PRKCB: variants seen among roughly 807,000 people sequenced by gnomAD.
PRKCB encodes protein kinase C beta, also known as protein kinase C beta type.
PRKCB carries 13 observed loss-of-function variants against 81.5 expected under a neutral mutation model. The observed-to-expected ratio is 0.16, with a 90% CI of 0.10 to 0.25. PRKCB has a LOEUF of 0.25. Ranked by LOEUF, PRKCB falls within the 10% of genes least tolerant of loss-of-function variation. PRKCB has a pLI of 1.00. For synonymous variants in PRKCB, 335 were observed against 321.4 expected (o/e 1.04, Z -0.45); for missense variants, 509 against 875.7 (o/e 0.58, Z 5.29).
At chr16:23,958,556 G>T (rs917140632) in intron 2 of PRKCB, among the ~76,000 whole-genome samples, 1 of 151,866 alleles carries the variant, frequency 6.6e-6, no homozygotes, top group Non-Finnish European at 1.5e-5. Context: ...ACCCACCTCG[G>T]CCTCCCAATG....
At chr16:23,931,570 G>T (rs947225714) in intron 2 of PRKCB, among the ~76,000 whole-genome samples, 1 of 152,188 alleles carries the variant, frequency 6.6e-6, no homozygotes. Flanking sequence ...CTGAGGCTGA[G>T]TGGGGAGGAG....
intron 12 of PRKCB, among the ~76,000 whole-genome samples, chr16:24,179,607 C>A (rs578010112): frequency 6.6e-6 from 1 of 152,174 alleles, no homozygotes; most frequent in Non-Finnish European, 1.5e-5. Flanking sequence ...AGACCTACAA[C>A]TGTTCCCCAA....
intron 7 of PRKCB, among the ~76,000 whole-genome samples, chr16:24,096,623 G>C: frequency 7.4e-6 from 1 of 134,246 alleles, no homozygotes; most frequent in Admixed American, 8.0e-5. Context: ...CCTTTGTCCT[G>C]AAGATTTTAT....
chr16:24,103,719 C>T (rs535019592), intron 7 of PRKCB, among the ~76,000 whole-genome samples: 1 of 152,314 alleles, frequency 6.6e-6, no homozygotes, highest in South Asian at 2.1e-4. Flanking sequence ...TCCCCTCTCC[C>T]CTCTACAGTT....
intron 9 of PRKCB, among the ~76,000 whole-genome samples, chr16:24,125,695 C>T (rs537610801): frequency 6.6e-6 from 1 of 152,260 alleles, no homozygotes; most frequent in African/African-American, 2.4e-5. Flanking sequence ...CCGTCGTGGT[C>T]GCCACTGTGA....
intron 2 of PRKCB, among the ~76,000 whole-genome samples, chr16:23,856,840 T>C (rs1405538238): frequency 1.3e-5 from 2 of 152,182 alleles, no homozygotes; most frequent in East Asian, 3.9e-4. Flanking sequence ...CAATTTTTAT[T>C]TGATATAAAC....
intron 3 of PRKCB, among the ~76,000 whole-genome samples, chr16:24,025,122 G>A (rs529088764): frequency 3.3e-5 from 5 of 152,322 alleles, no homozygotes; most frequent in Admixed American, 1.3e-4. Flanking sequence ...GCAACTTGCC[G>A]ATTGGTTTTC....
intron 3 of PRKCB, among the ~76,000 whole-genome samples, chr16:24,029,595 GACTAA>G (rs1965525250): frequency 1.8e-5 from 1 of 54,780 alleles, no homozygotes; most frequent in East Asian, 6.8e-4. Context: ...TATGAAAGCA[GACTAA>G]TACAGTATGG....
intron 5 of PRKCB, among the ~76,000 whole-genome samples, chr16:24,087,018 A>T (rs1966317975): frequency 1.3e-5 from 2 of 152,198 alleles, no homozygotes. Context: ...CATTTGGTTT[A>T]GCATTTTCTC....
chr16:23,948,945 A>G (rs1307342794), intron 2 of PRKCB, among the ~76,000 whole-genome samples: 2 of 136,878 alleles, frequency 1.5e-5, no homozygotes, highest in Non-Finnish European at 3.2e-5. Context: ...TGTCAGTAGT[A>G]CAGGGTTTCA....
At chr16:23,939,230 T>C (rs1432162943) in intron 2 of PRKCB, among the ~76,000 whole-genome samples, 1 of 152,098 alleles carries the variant, frequency 6.6e-6, no homozygotes. Flanking sequence ...ATGAAAGAAA[T>C]AAAGAATATC....
At chr16:23,836,576 C>G (rs111234195) in intron 1 of PRKCB, among the ~76,000 whole-genome samples, 32 of 152,224 alleles carry the variant, frequency 2.1e-4, no homozygotes, top group Non-Finnish European at 3.8e-4. Context: ...GCCTCCTGCC[C>G]TCTCCTGCTC....
chr16:23,999,252 A>G (rs1223244947), intron 3 of PRKCB, among the ~76,000 whole-genome samples: 1 of 152,150 alleles, frequency 6.6e-6, no homozygotes, highest in East Asian at 1.9e-4. Flanking sequence ...CAAGTTCGTG[A>G]AGCAGAAACA....
chr16:23,904,572 A>G (rs1963527916), intron 2 of PRKCB, among the ~76,000 whole-genome samples: 1 of 152,188 alleles, frequency 6.6e-6, no homozygotes, highest in Non-Finnish European at 1.5e-5. Flanking sequence ...CTGAGGCAGA[A>G]GAATCGCTTG....
Position 24,160,003 on chromosome 16 carries a change from A to G in PRKCB, c.1239+5146A>G, listed in dbSNP as rs73550953. ...TTGTCTCAAAAAATAAAATAAAATAAAATAAAATATAAAATATTTTCACTC... is the reference window on the plus strand; with the variant it reads ...TTGTCTCAAAAAATAAAATAAAATAGAATAAAATATAAAATATTTTCACTC... On this transcript the variant is annotated intron_variant, in intron 10 of 16. Coordinates refer to ENST00000643927, the MANE Select transcript of PRKCB (RefSeq NM_002738.7). Among the ~76,000 whole-genome samples, 1,105 of 152,144 alleles carry G rather than the reference A, an allele frequency of 7.3e-3. 10 individuals carry two copies. Among genetic ancestry groups the G allele is most frequent in the African/African-American group, 0.025 (1,032 of 41,522 alleles).
intron 5 of PRKCB, among the ~76,000 whole-genome samples, chr16:24,037,007 G>A (rs955067852): frequency 1.3e-5 from 2 of 152,110 alleles, no homozygotes; most frequent in Admixed American, 1.3e-4. Context: ...ATTCTTGTTT[G>A]AGAGGGAGAC....
At chr16:23,902,963 C>A (rs1221109854) in intron 2 of PRKCB, among the ~76,000 whole-genome samples, 1 of 144,964 alleles carries the variant, frequency 6.9e-6, no homozygotes. Context: ...GCCATCATGT[C>A]TACCTAATTT....
chr16:24,100,200 G>T (rs910973213), intron 7 of PRKCB, among the ~76,000 whole-genome samples: 2 of 152,148 alleles, frequency 1.3e-5, no homozygotes, highest in East Asian at 3.9e-4. Context: ...AACAAGACGT[G>T]TCCAATCTCC....
intron 5 of PRKCB, among the ~76,000 whole-genome samples, chr16:24,053,506 T>C (rs1965866633): frequency 2.0e-5 from 3 of 152,078 alleles, no homozygotes. Flanking sequence ...TCTGTTGTAG[T>C]GTGGGAGAAG....
Sources: gnomAD v4.1 joint callset for allele counts (sites outside exome capture counted in the v4.1 genomes callset) on GRCh38, gnomAD v4.1.1 for gene constraint, MANE v1.5 for transcripts, NCBI Gene and HGNC (gene_info 2026-07-23, HGNC 2026-07-21) for gene names.